The following USP30 variants were observed in gnomAD, a reference collection of about 807,000 sequenced individuals.
USP30 encodes the protein ubiquitin specific peptidase 30.
Under a neutral mutation model 68.2 loss-of-function variants are expected in USP30, and 41 were observed. The observed-to-expected ratio is 0.60, with a 90% CI of 0.47 to 0.78. The LOEUF (loss-of-function observed/expected upper bound fraction) is 0.78, where lower values mean the gene tolerates loss of function less well. Ranked by LOEUF, USP30 falls within the 30% of genes least tolerant of loss-of-function variation. USP30 has a pLI of 0.00. For synonymous variants in USP30, 229 were observed against 253.7 expected (o/e 0.90, Z 0.93); for missense variants, 522 against 649.4 (o/e 0.80, Z 2.13).
chr12:109,076,562 T>A (rs2041614371), intron 7 of USP30, among the ~76,000 whole-genome samples: 1 of 152,020 alleles, frequency 6.6e-6, no homozygotes, highest in Admixed American at 6.6e-5. Context: ...TAGCTTTAGG[T>A]TTTAGTATAC....
At chr12:109,068,893 T>A (rs1206198448) in intron 4 of USP30, among the ~76,000 whole-genome samples, 1 of 152,360 alleles carries the variant, frequency 6.6e-6, no homozygotes, top group East Asian at 1.9e-4. Context: ...ATCTTTATTA[T>A]CAGCGATCCA....
chr12:109,024,652 C>T (rs1027175547), intron 1 of USP30, among the ~76,000 whole-genome samples: 2 of 151,862 alleles, frequency 1.3e-5, no homozygotes, highest in Admixed American at 6.6e-5. Context: ...CCGAGTCTCG[C>T]TCTGTCTCCC....
At position 109,085,955 on chromosome 12, in the gene USP30, G is replaced by A; in HGVS notation, c.*24G>A. 6.2e-7 allele frequency: 1 copy of A among 1,607,560 alleles called. No individual in the cohort carries two copies. The highest frequency in any genetic ancestry group is 8.5e-7 in the Non-Finnish European group (1 of 1,176,188). On this transcript the variant is annotated 3_prime_UTR_variant, in exon 13 of 13. Coordinates refer to ENST00000257548, the MANE Select transcript of USP30 (RefSeq NM_032663.5). ...GACTGTGCCCTCCTGCAAGGCTAGAGCTGATGGCACTGTCTGCACTGTCCA... is the reference window on the plus strand; with the variant it reads ...GACTGTGCCCTCCTGCAAGGCTAGAACTGATGGCACTGTCTGCACTGTCCA...
intron 7 of USP30, among the ~76,000 whole-genome samples, chr12:109,079,151 T>C (rs997396594): frequency 6.6e-6 from 1 of 152,028 alleles, no homozygotes; most frequent in Non-Finnish European, 1.5e-5. Flanking sequence ...TTCTTGGCTG[T>C]TATTTTTTCA....
rs778114585 is a variant in USP30, at chr12:109,081,991, G to A, written c.839G>A (p.Arg280Gln). The A allele has an allele frequency of 2.9e-5, 47 of 1,614,038 alleles. 1 individual carries two copies. Among genetic ancestry groups the A allele is most frequent in the South Asian group, 2.6e-4 (24 of 91,086 alleles). Reference protein sequence around the residue: ...LHHFISSESVRDVVCDNCTKI... With the variant: ...LHHFISSESVQDVVCDNCTKI... Reference sequence around the variant, plus strand: ...CACTTCATCTCATCAGAATCAGTGCGGGATGTTGTGTGTGACAACTGTACA... The same window carrying A: ...CACTTCATCTCATCAGAATCAGTGCAGGATGTTGTGTGTGACAACTGTACA... The change falls in exon 9 of 13, where the codon CGG becomes CAG. Residue 280 changes from arginine to glutamine, a missense_variant. Coordinates refer to ENST00000257548, the MANE Select transcript of USP30 (RefSeq NM_032663.5).
At chr12:109,073,043 A>G (rs1217615965) in intron 6 of USP30, among the ~76,000 whole-genome samples, 2 of 152,206 alleles carry the variant, frequency 1.3e-5, no homozygotes. Context: ...CTAGCCAAAG[A>G]AAGGCCTAGT....
At chr12:109,047,338 A>G (rs1184459918) in intron 3 of USP30, among the ~76,000 whole-genome samples, 2 of 152,194 alleles carry the variant, frequency 1.3e-5, no homozygotes, top group Non-Finnish European at 2.9e-5. Flanking sequence ...AACATAATTG[A>G]GACCATGGTC....
chr12:109,040,813 T>A (rs2040559395), intron 3 of USP30, among the ~76,000 whole-genome samples: 1 of 152,228 alleles, frequency 6.6e-6, no homozygotes, highest in Non-Finnish European at 1.5e-5. Flanking sequence ...GAAGCAACAA[T>A]GTATTTTATG....
chr12:109,032,504 C>T (rs753475948), intron 3 of USP30, among the ~76,000 whole-genome samples: 1 of 151,996 alleles, frequency 6.6e-6, no homozygotes, highest in Non-Finnish European at 1.5e-5. Flanking sequence ...TATGGAAGAA[C>T]CTTAAGAACA....
At chr12:109,049,182 T>G (rs1447583646), upstream of USP30, among the ~76,000 whole-genome samples, 1 of 152,250 alleles carries the variant, frequency 6.6e-6, no homozygotes, top group African/African-American at 2.4e-5. Flanking sequence ...GTGCAAGAAG[T>G]CTTGCTTTCA....
intron 2 of USP30, among the ~76,000 whole-genome samples, chr12:109,026,527 A>T (rs1160166863): frequency 6.7e-6 from 1 of 150,188 alleles, no homozygotes; most frequent in African/African-American, 2.5e-5. Context: ...TGACATGATC[A>T]TGGCTCACTG....
intron 8 of USP30, 179 bp downstream of exon 8, chr12:109,081,572 T>C (rs1324475331): frequency 6.9e-6 from 5 of 727,474 alleles, no homozygotes; most frequent in Non-Finnish European, 1.1e-5. Flanking sequence ...TGAATCGTTT[T>C]TCTTTTGCTC....
chr12:109,056,618 A>G (rs376204560), intron 1 of USP30, 64 bp from the exon 2 acceptor site: 16 of 1,172,008 alleles, frequency 1.4e-5, no homozygotes, highest in South Asian at 4.1e-5. Flanking sequence ...TATTCTGTCT[A>G]TATCTGTATA....
rs1160788227 is a variant in USP30, at chr12:109,085,852, C to G, written c.1475C>G (p.Ser492Cys). 6.2e-7 allele frequency: 1 copy of G among 1,614,130 alleles called. No individual in the cohort carries two copies. Among genetic ancestry groups the G allele is most frequent in the African/African-American group, 1.3e-5 (1 of 74,948 alleles). Reference protein sequence around the residue: ...RKASLQEVLSSSAYLLFYERV... With the variant: ...RKASLQEVLSCSAYLLFYERV... ...GCCAGCCTGCAGGAGGTCCTGTCCT[C>G]CAGCGCCTACCTGCTGTTCTACGAG... is the stretch of plus-strand genomic sequence containing the variant. Residue 492 changes from serine (S) to cysteine (C), a missense_variant, in exon 13 of 13, where the codon TCC becomes TGC. Physicochemically the swap from Ser to Cys is moderately radical, Grantham distance 112. Transcript: ENST00000257548.
intron 7 of USP30, among the ~76,000 whole-genome samples, chr12:109,078,339 G>T (rs2041675169): frequency 6.6e-6 from 1 of 151,982 alleles, no homozygotes; most frequent in Middle Eastern, 3.2e-3. Context: ...CAGGAGAATG[G>T]CTTGAACCCA....
chr12:109,068,786 C>T (rs2135763464), intron 4 of USP30, among the ~76,000 whole-genome samples: 1 of 152,318 alleles, frequency 6.6e-6, no homozygotes, highest in South Asian at 2.1e-4. Context: ...GAGCCCACAT[C>T]GTGCTGTAGT....
chr12:109,048,739 C>CAAAAAAAA (rs60197959), upstream of USP30, among the ~76,000 whole-genome samples: 19 of 86,990 alleles, frequency 2.2e-4, no homozygotes, highest in African/African-American at 6.8e-4. Flanking sequence ...GACTCTGTCT[C>CAAAAAAAA]AAAAAAAAAA....
chr12:109,052,858 G>A, intron 1 of USP30, 97 bp downstream of exon 1: 2 of 1,210,928 alleles, frequency 1.7e-6, no homozygotes. Context: ...GGGGTCTCCA[G>A]GGCCCGCGCG....
chr12:109,082,582 T>C (rs2041834511), intron 9 of USP30, 81 bp from the exon 10 acceptor site: 2 of 1,399,044 alleles, frequency 1.4e-6, no homozygotes, highest in East Asian at 2.4e-5. Context: ...TGTGTGCCGC[T>C]ATAACACCAC....
Sources: allele counts gnomAD v4.1 joint callset (sites outside exome capture counted in the v4.1 genomes callset), GRCh38; gene constraint gnomAD v4.1.1; transcripts MANE v1.5; gene names NCBI Gene and HGNC (gene_info 2026-07-23, HGNC 2026-07-21).